TARBP1: variants seen among roughly 807,000 people sequenced by gnomAD.
TARBP1 encodes tRNA guanosine 2 -O-methyltransferase TARBP1, also known as tRNA (guanosine(18)-2'-O)-methyltransferase TARBP1.
A neutral mutation model predicts 178.6 loss-of-function variants in TARBP1; 144 were observed. The ratio of observed to expected loss-of-function variants is 0.81; its 90% confidence interval spans 0.70 to 0.93. The LOEUF (loss-of-function observed/expected upper bound fraction) is 0.93, where lower values mean the gene tolerates loss of function less well. Among genes scored for constraint, TARBP1 ranks in the 40% least tolerant of loss-of-function variants. TARBP1 has a pLI of 0.00. For synonymous variants in TARBP1, 787 were observed against 781.0 expected (o/e 1.01, Z -0.13); for missense variants, 2,067 against 2,011.7 (o/e 1.03, Z -0.53).
At chr1:234,392,286 A>G in intron 29 of TARBP1, 130 bp downstream of exon 29, 1 of 1,180,928 alleles carries the variant, frequency 8.5e-7, no homozygotes, top group Non-Finnish European at 1.2e-6. Flanking sequence ...TAGTGAGCCG[A>G]GATTGTGCCA....
chr1:234,394,896 C>A (rs1659763238), intron 26 of TARBP1, among the ~76,000 whole-genome samples: 1 of 151,946 alleles, frequency 6.6e-6, no homozygotes, highest in Non-Finnish European at 1.5e-5. Context: ...TTGAGACCAG[C>A]CTGGCCAACA....
chr1:234,402,075 A>G (rs1325459962), intron 24 of TARBP1, among the ~76,000 whole-genome samples: 12 of 152,210 alleles, frequency 7.9e-5, no homozygotes, highest in Non-Finnish European at 1.2e-4. Context: ...CAGCCTTTTC[A>G]AAAGGGCTTT....
intron 23 of TARBP1, among the ~76,000 whole-genome samples, chr1:234,409,116 T>A (rs1179926109): frequency 6.6e-6 from 1 of 152,068 alleles, no homozygotes; most frequent in Admixed American, 6.5e-5. Flanking sequence ...ACTGACAAAG[T>A]AAATCAACTT....
chr1:234,411,069 CA>C (rs562687944), intron 22 of TARBP1, among the ~76,000 whole-genome samples: 3 of 150,416 alleles, frequency 2.0e-5, no homozygotes, highest in Non-Finnish European at 3.0e-5. Context: ...GACCCTGTCT[CA>C]AAAAAAAACA....
intron 14 of TARBP1, among the ~76,000 whole-genome samples, chr1:234,433,047 G>T (rs1664630468): frequency 6.6e-6 from 1 of 152,154 alleles, no homozygotes; most frequent in Admixed American, 6.5e-5. Context: ...AGACTAGCCT[G>T]GTTAACATGG....
intron 11 of TARBP1, among the ~76,000 whole-genome samples, chr1:234,447,984 G>C (rs573761082): frequency 1.3e-5 from 2 of 152,308 alleles, no homozygotes; most frequent in Middle Eastern, 3.4e-3. Flanking sequence ...TTGTGGTCCA[G>C]GCTGGAGTGC....
chr1:234,475,137 G>A (rs1040927634), intron 1 of TARBP1, among the ~76,000 whole-genome samples: 2 of 152,180 alleles, frequency 1.3e-5, no homozygotes, highest in African/African-American at 2.4e-5. Flanking sequence ...CGGTGCTCTC[G>A]AGAGAGACTG....
chr1:234,427,498 CA>C (rs1228650796), intron 18 of TARBP1, 77 bp downstream of exon 18: 18 of 1,467,126 alleles, frequency 1.2e-5, no homozygotes, highest in Non-Finnish European at 1.7e-5. Flanking sequence ...TTGAAAGCCT[CA>C]AAACAAAGAC....
At position 234,391,675 on chromosome 1, in the gene TARBP1, CCT is replaced by C; in HGVS notation, c.4766_4767del (p.Gln1589ArgfsTer38). 1 of 1,613,712 alleles carries C rather than the reference CCT, an allele frequency of 6.2e-7. No individual in the cohort carries two copies. Among genetic ancestry groups the C allele is most frequent in the African/African-American group, 1.3e-5 (1 of 75,012 alleles). ...QLDVCVEIPQ[Q>X]GIIRSLNVHV... ...TGGACATTCAGGGAGCGGATAATGC[CCT>C]GTTGAGGAATTTCCACACAAACGTC... On this transcript the variant is annotated frameshift_variant, in exon 30 of 30. Transcript: ENST00000040877. LOFTEE classifies it low-confidence loss of function (END_TRUNC).
chr1:234,473,430 G>C (rs1465280850), intron 1 of TARBP1, among the ~76,000 whole-genome samples: 1 of 152,190 alleles, frequency 6.6e-6, no homozygotes, highest in Non-Finnish European at 1.5e-5. Flanking sequence ...AAAATAGTGC[G>C]TCTCTGAATT....
intron 29 of TARBP1, among the ~76,000 whole-genome samples, chr1:234,391,975 T>C (rs1572181314): frequency 1.3e-5 from 2 of 151,952 alleles, no homozygotes; most frequent in East Asian, 1.9e-4. Flanking sequence ...GCCAGAGAGA[T>C]GAAATAAAAG....
intron 24 of TARBP1, among the ~76,000 whole-genome samples, chr1:234,403,792 T>C (rs917010878): frequency 1.3e-5 from 2 of 152,186 alleles, no homozygotes; most frequent in Non-Finnish European, 2.9e-5. Flanking sequence ...CAAGAGATTC[T>C]CCTGCCTCAG....
chr1:234,437,104 G>A (rs1038517999), intron 13 of TARBP1, among the ~76,000 whole-genome samples, 171 bp downstream of exon 13: 1 of 152,158 alleles, frequency 6.6e-6, no homozygotes, highest in Non-Finnish European at 1.5e-5. Flanking sequence ...AATACAGATG[G>A]AATTGGAACT....
intron 3 of TARBP1, among the ~76,000 whole-genome samples, chr1:234,469,457 A>C (rs1668828220): frequency 6.6e-6 from 1 of 152,234 alleles, no homozygotes; most frequent in Non-Finnish European, 1.5e-5. Context: ...TAAATGAATA[A>C]GTGAAGTCAC....
intron 4 of TARBP1, among the ~76,000 whole-genome samples, chr1:234,467,110 A>G (rs1212306482): frequency 6.6e-6 from 1 of 152,200 alleles, no homozygotes; most frequent in Non-Finnish European, 1.5e-5. Context: ...GACAACAGCA[A>G]TTCATTGAGT....
chr1:234,443,290 C>CA (rs1254089749), intron 12 of TARBP1, among the ~76,000 whole-genome samples: 4,461 of 76,118 alleles, frequency 0.059, 87 homozygotes, highest in African/African-American at 0.086. Flanking sequence ...AACTCCGTCT[C>CA]AAAAAAAAAA....
chr1:234,459,679 G>C (rs1486544202), intron 7 of TARBP1, among the ~76,000 whole-genome samples: 1 of 151,840 alleles, frequency 6.6e-6, no homozygotes. Flanking sequence ...GAGAGTAATG[G>C]CGCACACCTT....
chr1:234,419,338 T>C (rs1160494593), intron 21 of TARBP1, among the ~76,000 whole-genome samples: 1 of 152,146 alleles, frequency 6.6e-6, no homozygotes, highest in East Asian at 1.9e-4. Flanking sequence ...AAGTGGAGCA[T>C]ACATTTTGTA....
chr1:234,439,165 T>G (rs111585333), intron 12 of TARBP1, among the ~76,000 whole-genome samples: 8 of 152,138 alleles, frequency 5.3e-5, no homozygotes, highest in African/African-American at 1.4e-4. Flanking sequence ...ATAGGGAAAT[T>G]TGGAATATCA....
Sources: allele counts gnomAD v4.1 joint callset (sites outside exome capture counted in the v4.1 genomes callset), GRCh38; gene constraint gnomAD v4.1.1; transcripts MANE v1.5; gene names NCBI Gene and HGNC (gene_info 2026-07-23, HGNC 2026-07-21).